Variants in SLC17A6 observed in about 807,000 individuals in gnomAD.
The protein encoded by SLC17A6 is vesicular glutamate transporter 2.
SLC17A6 carries 35 observed loss-of-function variants against 67.1 expected under a neutral mutation model. The ratio of observed to expected loss-of-function variants is 0.52; its 90% confidence interval spans 0.40 to 0.69. The LOEUF (loss-of-function observed/expected upper bound fraction) is 0.69, where lower values mean the gene tolerates loss of function less well. Among genes scored for constraint, SLC17A6 ranks in the 30% least tolerant of loss-of-function variants. SLC17A6 has a pLI of 0.00. For missense variants in SLC17A6, 588 were observed against 723.9 expected, an observed-to-expected ratio of 0.81 and a Z score of 2.15; for synonymous variants, 285 against 252.3, an observed-to-expected ratio of 1.13 and a Z score of -1.23.
At chr11:22,361,882 A>G (rs1279045513) in intron 5 of SLC17A6, among the ~76,000 whole-genome samples, 2 of 152,218 alleles carry the variant, frequency 1.3e-5, no homozygotes, top group African/African-American at 4.8e-5. Context: ...AATGCTAGTA[A>G]TAGGAAATTA....
intron 5 of SLC17A6, among the ~76,000 whole-genome samples, 163 bp from the exon 6 acceptor site, chr11:22,362,576 T>C (rs1268799144): frequency 1.3e-5 from 2 of 152,142 alleles, no homozygotes; most frequent in Non-Finnish European, 2.9e-5. Context: ...TGTGTACGTA[T>C]GTAGACATAT....
chr11:22,363,568 A>T (rs908666904), intron 6 of SLC17A6, among the ~76,000 whole-genome samples: 2 of 152,188 alleles, frequency 1.3e-5, no homozygotes, highest in Non-Finnish European at 2.9e-5. Context: ...AATATTAATG[A>T]AGTCATGTGG....
At chr11:22,351,088 A>G (rs1302822570) in intron 3 of SLC17A6, among the ~76,000 whole-genome samples, 4 of 152,142 alleles carry the variant, frequency 2.6e-5, no homozygotes, top group Non-Finnish European at 4.4e-5. Flanking sequence ...TATAAATTAT[A>G]TTATAAAATC....
At chr11:22,349,297 G>A (rs1381585694) in intron 3 of SLC17A6, among the ~76,000 whole-genome samples, 1 of 152,138 alleles carries the variant, frequency 6.6e-6, no homozygotes, top group Non-Finnish European at 1.5e-5. Flanking sequence ...AAGGCCAGAG[G>A]TGACTTTTTC....
chr11:22,345,538 C>T (rs1318792327), intron 3 of SLC17A6, among the ~76,000 whole-genome samples: 1 of 151,844 alleles, frequency 6.6e-6, no homozygotes, highest in Admixed American at 6.6e-5. Flanking sequence ...ATTAATCTTA[C>T]CTTTAAATGG....
chr11:22,365,058 C>A (rs765671597), intron 6 of SLC17A6, among the ~76,000 whole-genome samples: 2 of 152,072 alleles, frequency 1.3e-5, no homozygotes, highest in Non-Finnish European at 2.9e-5. Context: ...TGTCTGTTTG[C>A]CAGATCTGGA....
At chr11:22,358,321 T>C (rs1856013377) in intron 3 of SLC17A6, among the ~76,000 whole-genome samples, 1 of 151,308 alleles carries the variant, frequency 6.6e-6, no homozygotes, top group South Asian at 2.1e-4. Context: ...GAAGTGTTTG[T>C]TTGTTTGTTT....
intron 11 of SLC17A6, among the ~76,000 whole-genome samples, chr11:22,376,931 T>C (rs376941158): frequency 5.3e-5 from 8 of 152,274 alleles, no homozygotes; most frequent in African/African-American, 1.9e-4. Context: ...TAAAAACCCC[T>C]TTTGTCTCTA....
Position 22,343,270 on chromosome 11 carries a change from G to A in SLC17A6, c.363G>A (p.Pro121=). 1 of 1,613,098 alleles carries A rather than the reference G, an allele frequency of 6.2e-7. No individual in the cohort carries two copies. The change falls in exon 3 of 12, where the codon CCG becomes CCA. Residue 121 remains proline (P), a synonymous_variant. Transcript: ENST00000263160. ...IKEKAKFNWD[P]ETVGMIHGSF... is the part of the protein sequence containing the mutation. ...AGAAAGCCAAATTCAACTGGGACCC[G>A]GAAACCGTGGGGATGATCCACGGTT...
intron 3 of SLC17A6, among the ~76,000 whole-genome samples, chr11:22,357,970 T>C (rs1374342126): frequency 6.6e-6 from 1 of 152,194 alleles, no homozygotes; most frequent in Non-Finnish European, 1.5e-5. Context: ...CACAAAATTA[T>C]TTGGCTAGTA....
intron 3 of SLC17A6, among the ~76,000 whole-genome samples, chr11:22,346,270 C>T (rs944537411): frequency 1.3e-5 from 2 of 152,156 alleles, no homozygotes; most frequent in African/African-American, 4.8e-5. Context: ...CTCCTGGCTA[C>T]ATCTCTTGGC....
At chr11:22,357,687 T>C (rs1330567892) in intron 3 of SLC17A6, among the ~76,000 whole-genome samples, 3 of 152,246 alleles carry the variant, frequency 2.0e-5, no homozygotes, top group Admixed American at 6.5e-5. Context: ...ACAGTGATGA[T>C]AGAATGTTAC....
At chr11:22,347,773 G>A (rs1361372749) in intron 3 of SLC17A6, among the ~76,000 whole-genome samples, 2 of 152,154 alleles carry the variant, frequency 1.3e-5, no homozygotes, top group African/African-American at 4.8e-5. Flanking sequence ...GAGTGCTAAT[G>A]ATTCAGTACA....
chr11:22,362,627 C>T, intron 5 of SLC17A6, 112 bp from the exon 6 acceptor site: 1 of 815,574 alleles, frequency 1.2e-6, no homozygotes, highest in Non-Finnish European at 2.1e-6. Context: ...GGTGTGAGGC[C>T]CATGTACCTG....
At position 22,369,203 on chromosome 11, in the gene SLC17A6, A is replaced by G. The variant is rs930635; in HGVS notation, c.892-836A>G. Reference sequence around the variant, plus strand: ...GAAATAATTAGGGAATATGAGAGATATTTTAATGGCTAAAAATATTAGTCT... The same window carrying G: ...GAAATAATTAGGGAATATGAGAGATGTTTTAATGGCTAAAAATATTAGTCT... On this transcript the variant is annotated intron_variant, in intron 7 of 11. Transcript: ENST00000263160. 7.1e-3 allele frequency among the ~76,000 whole-genome samples: 1,078 copies of G among 152,150 alleles called. 14 individuals are homozygous for G. The highest frequency in any genetic ancestry group is 0.025 in the African/African-American group (1,053 of 41,562).
Position 22,341,573 on chromosome 11 carries a change from G to A in SLC17A6, c.132G>A (p.Thr44=), listed in dbSNP as rs1231565262. The part of the protein sequence containing the change: ...KQDTGETIEL[T]EDGKPLEVPE... Reference sequence around the variant, plus strand: ...ACACCGGGGAGACAATCGAGCTGACGGAGGATGGGAAGCCCCTAGAGGTGC... The same window carrying A: ...ACACCGGGGAGACAATCGAGCTGACAGAGGATGGGAAGCCCCTAGAGGTGC... The change falls in exon 2 of 12, where the codon ACG becomes ACA. Residue 44 remains threonine (T), a synonymous_variant. Transcript: ENST00000263160. The A allele has an allele frequency of 2.5e-6, 4 of 1,613,940 alleles. No individual in the cohort carries two copies. Among genetic ancestry groups the A allele is most frequent in the Non-Finnish European group, 3.4e-6 (4 of 1,180,032 alleles).
rs1272170076 is a variant in SLC17A6 at position 22,374,742 on chromosome 11, TG to T, written c.1042-12del. The T allele has an allele frequency of 6.3e-7, 1 of 1,577,874 alleles. No homozygotes were observed. Among genetic ancestry groups the T allele is most frequent in the Non-Finnish European group, 8.6e-7 (1 of 1,164,244 alleles). ...GGTTATGTCTATTTCTCTCCCTTCT[TG>T]TTTTTCATCAGGTTGGTATGCTATC... On this transcript the variant is annotated splice_polypyrimidine_tract_variant and intron_variant, in intron 8 of 11. Transcript: ENST00000263160.
At chr11:22,374,291 ATG>A (rs1230065375) in intron 8 of SLC17A6, among the ~76,000 whole-genome samples, 7 of 152,212 alleles carry the variant, frequency 4.6e-5, no homozygotes, top group African/African-American at 1.7e-4. Context: ...TATAGAAATT[ATG>A]TCTGTGCTAT....
At chr11:22,346,122 G>C (rs1855872885) in intron 3 of SLC17A6, among the ~76,000 whole-genome samples, 1 of 152,104 alleles carries the variant, frequency 6.6e-6, no homozygotes, top group Non-Finnish European at 1.5e-5. Flanking sequence ...GATTTCCTTT[G>C]CATGTGATAT....
Sources: gnomAD v4.1 joint callset for allele counts (sites outside exome capture counted in the v4.1 genomes callset) on GRCh38, gnomAD v4.1.1 for gene constraint, MANE v1.5 for transcripts, NCBI Gene and HGNC (gene_info 2026-07-23, HGNC 2026-07-21) for gene names.